The following RIMS1 variants were observed in gnomAD, a reference collection of about 807,000 sequenced individuals.
RIMS1 encodes the protein regulating synaptic membrane exocytosis protein 1.
A neutral mutation model predicts 214.1 loss-of-function variants in RIMS1; 83 were observed. That is an observed-to-expected ratio of 0.39 (90% CI 0.32 to 0.47). RIMS1 has a LOEUF of 0.47. Among genes scored for constraint, RIMS1 ranks in the 20% least tolerant of loss-of-function variants. The pLI, the probability that RIMS1 is intolerant of heterozygous loss-of-function variation, is 0.99. For missense variants in RIMS1, 2,050 were observed against 2,161.8 expected (o/e 0.95, Z 1.03); for synonymous variants, 793 against 786.8 (o/e 1.01, Z -0.13).
chr6:72,048,635 T>C (rs1203143845), intron 2 of RIMS1, among the ~76,000 whole-genome samples: 1 of 152,180 alleles, frequency 6.6e-6, no homozygotes, highest in African/African-American at 2.4e-5. Context: ...GGATGAGGTG[T>C]TCCATCAAGA....
chr6:72,340,870 G>T (rs1222139853), intron 29 of RIMS1, among the ~76,000 whole-genome samples: 1 of 151,972 alleles, frequency 6.6e-6, no homozygotes, highest in Non-Finnish European at 1.5e-5. Flanking sequence ...AAATTACCTT[G>T]GGCAGTATGG....
At chr6:72,140,938 G>C (rs1030729253) in intron 4 of RIMS1, among the ~76,000 whole-genome samples, 6 of 152,034 alleles carry the variant, frequency 3.9e-5, no homozygotes, top group Non-Finnish European at 5.9e-5. Flanking sequence ...AGTCTTCAAG[G>C]AGGGAGGAAT....
intron 22 of RIMS1, 136 bp from the exon 23 acceptor site, chr6:72,274,213 A>AT: frequency 3.7e-6 from 2 of 547,742 alleles, no homozygotes; most frequent in Non-Finnish European, 6.7e-6. Flanking sequence ...AACAGTGAAG[A>AT]TTTTAAATTA....
At chr6:72,250,287 C>T in intron 12 of RIMS1, 43 bp from the exon 13 acceptor site, 1 of 1,559,356 alleles carries the variant, frequency 6.4e-7, no homozygotes, top group South Asian at 1.2e-5. Flanking sequence ...AATTGTAATG[C>T]CTCATGATTT....
intron 26 of RIMS1, among the ~76,000 whole-genome samples, chr6:72,299,046 A>G (rs1449822426): frequency 6.6e-6 from 1 of 151,934 alleles, no homozygotes; most frequent in Non-Finnish European, 1.5e-5. Context: ...TATTCATTCT[A>G]AAAGTAAGCC....
At chr6:72,025,246 T>A (rs1236961388) in intron 2 of RIMS1, among the ~76,000 whole-genome samples, 1 of 152,136 alleles carries the variant, frequency 6.6e-6, no homozygotes, top group Non-Finnish European at 1.5e-5. Flanking sequence ...TATATTTGTT[T>A]TAGACTTTTA....
chr6:72,104,798 T>TA (rs1562320181), intron 4 of RIMS1, among the ~76,000 whole-genome samples: 5 of 152,190 alleles, frequency 3.3e-5, no homozygotes, highest in East Asian at 3.8e-4. Context: ...CTGTTTTTTT[T>TA]TAAAAAATAA....
chr6:72,303,431 G>C (rs1376190097), intron 26 of RIMS1, among the ~76,000 whole-genome samples: 1 of 151,036 alleles, frequency 6.6e-6, no homozygotes. Context: ...TGTGAAAAGA[G>C]TAGTTATTTT....
At chr6:71,890,189 G>A (rs958007793) in intron 1 of RIMS1, among the ~76,000 whole-genome samples, 1 of 152,002 alleles carries the variant, frequency 6.6e-6, no homozygotes, top group African/African-American at 2.4e-5. Context: ...AAAAAATCAA[G>A]CTACTTTAAA....
intron 1 of RIMS1, among the ~76,000 whole-genome samples, chr6:71,950,377 G>GAA (rs11373059): frequency 6.7e-6 from 1 of 149,754 alleles, no homozygotes; most frequent in Non-Finnish European, 1.5e-5. Context: ...ACCTTAATCT[G>GAA]AAAAAAAAAG....
intron 1 of RIMS1, among the ~76,000 whole-genome samples, chr6:71,952,716 C>T (rs1790012106): frequency 6.6e-6 from 1 of 152,158 alleles, no homozygotes; most frequent in Admixed American, 6.5e-5. Flanking sequence ...AGTAATGATT[C>T]TGGAGCAGAG....
chr6:72,057,475 C>A (rs1826525034), intron 2 of RIMS1, among the ~76,000 whole-genome samples: 1 of 151,008 alleles, frequency 6.6e-6, no homozygotes, highest in South Asian at 2.1e-4. Context: ...TAATTATTGT[C>A]CAAATCAGTA....
chr6:72,255,321 C>T (rs1028052329), intron 16 of RIMS1, among the ~76,000 whole-genome samples: 5 of 152,180 alleles, frequency 3.3e-5, no homozygotes, highest in Non-Finnish European at 5.9e-5. Context: ...ATATGGAAGT[C>T]GTCTTCTATA....
chr6:72,137,926 C>T (rs996978664), intron 4 of RIMS1, among the ~76,000 whole-genome samples: 4 of 151,934 alleles, frequency 2.6e-5, no homozygotes, highest in African/African-American at 4.8e-5. Context: ...TTAGTAGAGA[C>T]GGGGTTTCAC....
chr6:71,897,349 T>A (rs1396972643), intron 1 of RIMS1, among the ~76,000 whole-genome samples: 2 of 152,172 alleles, frequency 1.3e-5, no homozygotes, highest in Non-Finnish European at 2.9e-5. Flanking sequence ...ATTCGTCTGA[T>A]CATGTCTCTC....
chr6:72,096,859 T>A (rs2031915939), intron 2 of RIMS1, 90 bp from the exon 3 acceptor site: 12 of 1,153,404 alleles, frequency 1.0e-5, no homozygotes, highest in Non-Finnish European at 1.1e-5. Flanking sequence ...CTATGCTTCC[T>A]TTTTGTTAGG....
intron 6 of RIMS1, chr6:72,212,870 T>C: frequency 8.6e-7 from 1 of 1,162,674 alleles, no homozygotes; most frequent in Non-Finnish European, 1.1e-6. Flanking sequence ...CAGTATTTTA[T>C]CCAAGCAGTC....
intron 4 of RIMS1, among the ~76,000 whole-genome samples, chr6:72,149,516 A>T (rs1171664911): frequency 6.7e-6 from 1 of 149,374 alleles, no homozygotes; most frequent in Non-Finnish European, 1.5e-5. Flanking sequence ...GATTCCTTAC[A>T]CCTGAGAGTG....
chr6:72,346,519 C>T (rs1355866159), intron 29 of RIMS1, among the ~76,000 whole-genome samples: 1 of 151,636 alleles, frequency 6.6e-6, no homozygotes, highest in South Asian at 2.1e-4. Context: ...TTTATGAACT[C>T]CCAGAAGTAT....
Sources: gnomAD v4.1 joint callset for allele counts (sites outside exome capture counted in the v4.1 genomes callset) on GRCh38, gnomAD v4.1.1 for gene constraint, MANE v1.5 for transcripts, NCBI Gene and HGNC (gene_info 2026-07-23, HGNC 2026-07-21) for gene names.